PTPRG: variants seen among roughly 807,000 people sequenced by gnomAD.
PTPRG encodes protein tyrosine phosphatase receptor type G.
PTPRG carries 102 observed loss-of-function variants against 165.3 expected under a neutral mutation model. That is an observed-to-expected ratio of 0.62 (90% CI 0.53 to 0.73). PTPRG has a LOEUF of 0.73. PTPRG is among the 30% of genes least tolerant of loss of function. The pLI is 0.00. For missense variants in PTPRG, 1,866 were observed against 1,861.4 expected (o/e 1.00, Z -0.05); for synonymous variants, 675 against 669.5 (o/e 1.01, Z -0.13).
At position 61,852,493 on chromosome 3, in the gene PTPRG, G is replaced by A. The variant is rs141195185; in HGVS notation, c.190+103511G>A. On this transcript the variant is annotated intron_variant, in intron 2 of 29. Transcript: ENST00000474889. ...CATACTTCGGATTTTCTTACCTGAA[G>A]AGTTTTTTAAAAACCATGGACATAT... is the stretch of plus-strand genomic sequence containing the variant. 1.7e-3 allele frequency among the ~76,000 whole-genome samples: 264 copies of A among 152,288 alleles called. 2 individuals carry two copies. Among genetic ancestry groups the A allele is most frequent in the African/African-American group, 6.0e-3 (249 of 41,568 alleles).
intron 9 of PTPRG, among the ~76,000 whole-genome samples, chr3:62,192,691 G>A (rs540983795): frequency 1.3e-5 from 2 of 152,136 alleles, no homozygotes; most frequent in South Asian, 2.1e-4. Context: ...GATTACAGGC[G>A]TGAGCCACTG....
At chr3:61,813,327 T>TAAAAAAAAAAAA (rs757811011) in intron 2 of PTPRG, among the ~76,000 whole-genome samples, 21 of 87,424 alleles carry the variant, frequency 2.4e-4, no homozygotes, top group South Asian at 3.7e-4. Flanking sequence ...CCATGATTAC[T>TAAAAAAAAAAAA]AAAAAAAAAA....
Position 62,239,356 on chromosome 3 carries a change from C to CT in PTPRG, c.2376-4448dup, listed in dbSNP as rs1559693306. Among the ~76,000 whole-genome samples, 7 of 138,878 alleles carry CT rather than the reference C, an allele frequency of 5.0e-5. No homozygotes were observed. The South Asian group carries it at 1.6e-3, about 32-fold the overall frequency. The allele number at this position is 138,878 out of a possible 152,430, so 91.1% of individuals were successfully genotyped here. A position where few individuals can be genotyped will look rare whatever the true frequency, so the allele number is the denominator to read the frequency against. ...TTTTTTCTTTCTTTCTTTCTTTTTT[C>CT]TTTCTTTTTTTTTTTTTTTTTTTGA... is the stretch of plus-strand genomic sequence containing the variant. On this transcript the variant is annotated intron_variant, in intron 14 of 29. Coordinates refer to ENST00000474889, the MANE Select transcript of PTPRG (RefSeq NM_002841.4).
chr3:62,066,558 G>A (rs959388211), intron 4 of PTPRG, among the ~76,000 whole-genome samples: 1 of 152,162 alleles, frequency 6.6e-6, no homozygotes, highest in Non-Finnish European at 1.5e-5. Context: ...AAATACAAAT[G>A]AGTTCCAGAT....
intron 2 of PTPRG, among the ~76,000 whole-genome samples, chr3:61,955,428 CT>C (rs2107632337): frequency 6.6e-6 from 1 of 152,224 alleles, no homozygotes; most frequent in Non-Finnish European, 1.5e-5. Flanking sequence ...TATTTGTAAC[CT>C]GCAATGCTAT....
chr3:61,713,511 C>A (rs754636785), intron 1 of PTPRG, among the ~76,000 whole-genome samples: 47 of 152,154 alleles, frequency 3.1e-4, no homozygotes, highest in Non-Finnish European at 5.4e-4. Flanking sequence ...TGTGTTGTAA[C>A]CTCCTTTGTT....
chr3:62,164,101 G>A (rs925016649), intron 7 of PTPRG, among the ~76,000 whole-genome samples: 48 of 152,234 alleles, frequency 3.2e-4, no homozygotes, highest in African/African-American at 1.1e-3. Flanking sequence ...ACCAAACATC[G>A]GACCGGTCAA....
chr3:61,897,779 A>G (rs891740687), intron 2 of PTPRG, among the ~76,000 whole-genome samples: 5 of 152,196 alleles, frequency 3.3e-5, no homozygotes, highest in Non-Finnish European at 7.4e-5. Flanking sequence ...GCATACAGAT[A>G]CTGTACATGT....
intron 1 of PTPRG, among the ~76,000 whole-genome samples, chr3:61,705,091 A>G (rs2031179601): frequency 3.9e-5 from 6 of 152,210 alleles, no homozygotes; most frequent in Admixed American, 3.9e-4. Flanking sequence ...ATAAAAAAAC[A>G]CATGCACTGA....
intron 2 of PTPRG, chr3:61,750,474 TTGA>T (rs1481339462): frequency 6.6e-6 from 1 of 152,244 alleles, no homozygotes; most frequent in Non-Finnish European, 1.5e-5. Flanking sequence ...GGAGTGATTG[TTGA>T]TGTCTTTAAC....
At chr3:61,761,639 C>G (rs2033838718) in intron 2 of PTPRG, among the ~76,000 whole-genome samples, 1 of 152,154 alleles carries the variant, frequency 6.6e-6, no homozygotes, top group South Asian at 2.1e-4. Flanking sequence ...GGCGTGGTAT[C>G]TCACTGTAGT....
At chr3:62,011,418 T>C (rs575121847) in intron 4 of PTPRG, among the ~76,000 whole-genome samples, 1 of 152,312 alleles carries the variant, frequency 6.6e-6, no homozygotes, top group African/African-American at 2.4e-5. Context: ...TCATGAAGCT[T>C]AAGACAATGC....
At chr3:62,130,989 T>C (rs551912253) in intron 5 of PTPRG, among the ~76,000 whole-genome samples, 13 of 152,288 alleles carry the variant, frequency 8.5e-5, no homozygotes, top group Admixed American at 7.2e-4. Context: ...ATTCCACATA[T>C]TTTATTAGTC....
chr3:61,820,574 C>G (rs970795529), intron 2 of PTPRG, among the ~76,000 whole-genome samples: 1 of 147,760 alleles, frequency 6.8e-6, no homozygotes, highest in African/African-American at 2.6e-5. Flanking sequence ...AAAACACTCC[C>G]CTTTTTAATT....
intron 4 of PTPRG, among the ~76,000 whole-genome samples, chr3:62,050,363 A>C (rs1700432802): frequency 6.6e-6 from 1 of 152,214 alleles, no homozygotes; most frequent in African/African-American, 2.4e-5. Context: ...AGTTTTACAG[A>C]TTTGTAGCCT....
chr3:61,804,513 A>G (rs1195899384), intron 2 of PTPRG, among the ~76,000 whole-genome samples: 1 of 152,182 alleles, frequency 6.6e-6, no homozygotes, highest in Non-Finnish European at 1.5e-5. Context: ...GGTAGACTGT[A>G]TTCGGCAACC....
intron 2 of PTPRG, among the ~76,000 whole-genome samples, chr3:61,886,504 A>G (rs542823528): frequency 1.0e-3 from 159 of 152,268 alleles, no homozygotes; most frequent in Non-Finnish European, 2.0e-3. Context: ...GTTGAAGGAT[A>G]TTGATGTCTG....
chr3:61,973,350 A>G (rs1408592924), intron 2 of PTPRG, among the ~76,000 whole-genome samples: 2 of 152,196 alleles, frequency 1.3e-5, no homozygotes, highest in African/African-American at 4.8e-5. Flanking sequence ...TATTGCAGCT[A>G]AGTTCATCAA....
At chr3:62,053,947 A>T (rs112249080) in intron 4 of PTPRG, among the ~76,000 whole-genome samples, 98 of 152,314 alleles carry the variant, frequency 6.4e-4, no homozygotes, top group Middle Eastern at 3.4e-3. Flanking sequence ...TCAAATATGA[A>T]GGGTACTACA....
Sources: gnomAD v4.1 joint callset for allele counts (sites outside exome capture counted in the v4.1 genomes callset) on GRCh38, gnomAD v4.1.1 for gene constraint, MANE v1.5 for transcripts, NCBI Gene and HGNC (gene_info 2026-07-23, HGNC 2026-07-21) for gene names.